The following SYT2 variants were observed in gnomAD, a reference collection of about 807,000 sequenced individuals.
SYT2 encodes synaptotagmin-2.
Under a neutral mutation model 39.9 loss-of-function variants are expected in SYT2, and 15 were observed. The observed-to-expected ratio is 0.38, with a 90% CI of 0.25 to 0.58. The LOEUF is 0.58. Among genes scored for constraint, SYT2 ranks in the 20% least tolerant of loss-of-function variants. The pLI, the probability that SYT2 is intolerant of heterozygous loss-of-function variation, is 0.70. For synonymous variants in SYT2, 181 were observed against 204.5 expected, an observed-to-expected ratio of 0.89 and a Z score of 0.98; for missense variants, 389 against 530.3, an observed-to-expected ratio of 0.73 and a Z score of 2.62.
intron 1 of SYT2, among the ~76,000 whole-genome samples, chr1:202,615,954 C>T (rs1215954155): frequency 6.6e-6 from 1 of 152,190 alleles, no homozygotes; most frequent in African/African-American, 2.4e-5. Context: ...GGAGAAATCC[C>T]ACTGACAGCT....
chr1:202,685,692 G>A (rs185800083), intron 1 of SYT2, among the ~76,000 whole-genome samples: 18 of 152,232 alleles, frequency 1.2e-4, no homozygotes, highest in Non-Finnish European at 2.2e-4. Flanking sequence ...CCTTTTTAAT[G>A]CTGGGTTGCA....
intron 1 of SYT2, among the ~76,000 whole-genome samples, chr1:202,617,750 G>T (rs546010629): frequency 5.3e-5 from 8 of 152,210 alleles, no homozygotes; most frequent in East Asian, 3.9e-4. Flanking sequence ...TACTCATGCA[G>T]CTTGTGACTG....
intron 1 of SYT2, among the ~76,000 whole-genome samples, chr1:202,640,750 GA>G (rs1558443782): frequency 1.1e-4 from 12 of 105,856 alleles, no homozygotes; most frequent in Non-Finnish European, 1.8e-4. Flanking sequence ...GAGAGAGAGA[GA>G]GAGAGAGAGA....
At position 202,600,371 on chromosome 1, in the gene SYT2, A is replaced by G; in HGVS notation, c.905T>C (p.Val302Ala). Residue 302 changes from valine to alanine, a missense_variant, in exon 7 of 9, where the codon GTG becomes GCG. Around this residue, in one of 4 missense-constraint regions of SYT2, gnomAD observed 21 missense variants for 47.0 expected, o/e 0.45. Transcript: ENST00000367268. ...LEAKNLKKMDVGGLSDPYVKI... is the reference protein window; with the variant it reads ...LEAKNLKKMDAGGLSDPYVKI... The stretch of plus-strand genomic sequence containing the variant: ...TCTCCACGTACCTGAAAGGCCGCCC[A>G]CGTCCATCTTCTTGAGGTTCTTAGC... 1 of 1,614,160 alleles carries G rather than the reference A, an allele frequency of 6.2e-7. No individual in the cohort carries two copies. Among genetic ancestry groups the G allele is most frequent in the Non-Finnish European group, 8.5e-7 (1 of 1,180,012 alleles).
rs184276616 is a variant in SYT2 at position 202,645,565 on chromosome 1, T to C, written c.-17-39776A>G. Among the ~76,000 whole-genome samples the C allele has an allele frequency of 4.5e-4, 68 of 152,318 alleles. 1 individual carries two copies. The East Asian group carries it at 0.013, about 28-fold the overall frequency. ...AAAGGGATGGATGAAATGACCCCCA[T>C]GGTTCCTTCTGATAAAATGGACCAA... On this transcript the variant is annotated intron_variant, in intron 1 of 8. Coordinates refer to ENST00000367268, the MANE Select transcript of SYT2 (RefSeq NM_177402.5).
chr1:202,638,489 G>A (rs1691808967), intron 1 of SYT2, among the ~76,000 whole-genome samples: 1 of 152,248 alleles, frequency 6.6e-6, no homozygotes, highest in South Asian at 2.1e-4. Flanking sequence ...CTGCTCGGAG[G>A]CCTTTCTGCA....
rs1690536916 is a variant in SYT2 at position 202,602,369 on chromosome 1, C to T, written c.633+9G>A. 1.9e-6 allele frequency: 3 copies of T among 1,612,036 alleles called. No homozygotes were observed. The highest frequency in any genetic ancestry group is 2.2e-5 in the East Asian group (1 of 44,876). ...AGGGAGCTGGAGTCACCCTTCCAGC[C>T]CTCAGCACCTTGAAGGTGAAGGTTT... On this transcript the variant is annotated intron_variant, in intron 5 of 8. Coordinates refer to ENST00000367268, the MANE Select transcript of SYT2 (RefSeq NM_177402.5).
rs369231668 is a variant in SYT2, at chr1:202,623,346, GC to G, written c.-17-17558del. Among the ~76,000 whole-genome samples, 66 of 152,346 alleles carry G rather than the reference GC, an allele frequency of 4.3e-4. No homozygotes were observed. The South Asian group carries it at 0.013, about 30-fold the overall frequency. ...GGCCAGCCCTGAGCTGCCTGCTGGGGCCCCCAGCTGCTCCCAGCCCAGGGGG... is the reference window on the plus strand; with the variant it reads ...GGCCAGCCCTGAGCTGCCTGCTGGGGCCCCAGCTGCTCCCAGCCCAGGGGG... On this transcript the variant is annotated intron_variant, in intron 1 of 8. Coordinates refer to ENST00000367268, the MANE Select transcript of SYT2 (RefSeq NM_177402.5). This position sits in a 1 kb window ranked among gnomAD's most constrained non-coding sequence, Gnocchi z 4.2.
At chr1:202,610,969 A>G (rs1690869810) in intron 1 of SYT2, among the ~76,000 whole-genome samples, 1 of 152,160 alleles carries the variant, frequency 6.6e-6, no homozygotes, top group Non-Finnish European at 1.5e-5. Flanking sequence ...ATTGGAAAAA[A>G]CTACTTTAAA....
Position 202,605,797 on chromosome 1 carries a change from C to T in SYT2, c.-17-8G>A, listed in dbSNP as rs376500578. 95 of 1,611,312 alleles carry T rather than the reference C, an allele frequency of 5.9e-5. No homozygotes were observed. The African/African-American group carries it at 7.3e-4, about 12-fold the overall frequency. On this transcript the variant is annotated splice_region_variant and splice_polypyrimidine_tract_variant and intron_variant, in intron 1 of 8. Transcript: ENST00000367268. Reference sequence around the variant, plus strand: ...TGGTGGCAGAGGAAACAGCTGGGGACGAGAGGTGAAGAGGGCAGGGTGAGC... The same window carrying T: ...TGGTGGCAGAGGAAACAGCTGGGGATGAGAGGTGAAGAGGGCAGGGTGAGC...
chr1:202,621,861 A>G (rs1691211400), intron 1 of SYT2, among the ~76,000 whole-genome samples: 1 of 152,210 alleles, frequency 6.6e-6, no homozygotes, highest in Non-Finnish European at 1.5e-5. Context: ...TGCCTCCAAA[A>G]TGGGATCCTG....
In SYT2 at chr1:202,612,988, GTT is replaced by G. The variant is rs1232396144; in HGVS notation, c.-17-7201_-17-7200del. On this transcript the variant is annotated intron_variant, in intron 1 of 8. Transcript: ENST00000367268. Reference sequence around the variant, plus strand: ...TCTTAATTTCACTTTCAGATTGTTCGTTGCTAGTGTATAGCAATATAATAGAT... The same window carrying G: ...TCTTAATTTCACTTTCAGATTGTTCGGCTAGTGTATAGCAATATAATAGAT... Among the ~76,000 whole-genome samples the G allele has an allele frequency of 2.0e-5, 3 of 149,456 alleles. No homozygotes were observed. In the East Asian group the frequency reaches 5.9e-4, roughly 29 times the overall value.
At chr1:202,625,690 C>T (rs1252784722) in intron 1 of SYT2, among the ~76,000 whole-genome samples, 1 of 152,128 alleles carries the variant, frequency 6.6e-6, no homozygotes, top group Non-Finnish European at 1.5e-5. Flanking sequence ...ACAGCCGCAC[C>T]CCCGCCAGGC....
intron 1 of SYT2, among the ~76,000 whole-genome samples, chr1:202,651,926 T>G (rs1205357446): frequency 6.6e-6 from 1 of 152,070 alleles, no homozygotes; most frequent in African/African-American, 2.4e-5. Context: ...GGCATGGTGG[T>G]GTGCACCTGT....
intron 1 of SYT2, among the ~76,000 whole-genome samples, chr1:202,683,542 T>C (rs888519077): frequency 2.0e-5 from 3 of 151,974 alleles, no homozygotes; most frequent in Admixed American, 6.6e-5. Context: ...AATTTGAGAC[T>C]AGCCTGGGCA....
At chr1:202,624,194 TGTG>T (rs762007076) in intron 1 of SYT2, among the ~76,000 whole-genome samples, 94 of 151,584 alleles carry the variant, frequency 6.2e-4, no homozygotes, top group Non-Finnish European at 8.4e-4. Flanking sequence ...TAGGGGTATA[TGTG>T]GTGGTATGTA....
intron 1 of SYT2, among the ~76,000 whole-genome samples, chr1:202,607,192 C>T (rs1690736150): frequency 6.6e-6 from 1 of 152,130 alleles, no homozygotes. Flanking sequence ...ACTGAAAGTC[C>T]CATGAGGGCA....
At chr1:202,627,252 A>T (rs1370695468) in intron 1 of SYT2, among the ~76,000 whole-genome samples, 1 of 152,180 alleles carries the variant, frequency 6.6e-6, no homozygotes, top group Non-Finnish European at 1.5e-5. Flanking sequence ...CCAGGGGACC[A>T]CTAGGGCTGT....
intron 1 of SYT2, among the ~76,000 whole-genome samples, chr1:202,693,627 G>A (rs1653900002): frequency 6.6e-6 from 1 of 152,134 alleles, no homozygotes; most frequent in African/African-American, 2.4e-5. Flanking sequence ...CTGGAGGTTT[G>A]GAATAAAGAT....
Sources: gnomAD v4.1 joint callset for allele counts (sites outside exome capture counted in the v4.1 genomes callset) on GRCh38, gnomAD v4.1.1 for gene constraint, gnomAD v4.1.1 regional missense constraint, Gnocchi (gnomAD v3.1) non-coding constraint, MANE v1.5 for transcripts, NCBI Gene and HGNC (gene_info 2026-07-23, HGNC 2026-07-21) for gene names.